The following TMTC1 variants were observed in gnomAD, a reference collection of about 807,000 sequenced individuals.
The protein encoded by TMTC1 is protein O-mannosyl-transferase TMTC1.
TMTC1 carries 73 observed loss-of-function variants against 104.8 expected under a neutral mutation model. The ratio of observed to expected loss-of-function variants is 0.70; its 90% CI spans 0.58 to 0.85. TMTC1 has a LOEUF of 0.85. Ranked by LOEUF, TMTC1 falls within the 40% of genes least tolerant of loss-of-function variation. The pLI, the probability that TMTC1 is intolerant of heterozygous loss-of-function variation, is 0.00. For missense variants in TMTC1, 1,035 were observed against 1,096.1 expected (o/e 0.94, Z 0.79); for synonymous variants, 434 against 428.7 (o/e 1.01, Z -0.15).
intron 6 of TMTC1, among the ~76,000 whole-genome samples, chr12:29,612,597 T>C (rs1429151231): frequency 6.6e-6 from 1 of 152,076 alleles, no homozygotes; most frequent in Non-Finnish European, 1.5e-5. Flanking sequence ...TTTTTTTTAG[T>C]AGAGACAAGT....
At chr12:29,716,634 A>T (rs1942089999) in intron 5 of TMTC1, among the ~76,000 whole-genome samples, 1 of 152,138 alleles carries the variant, frequency 6.6e-6, no homozygotes, top group East Asian at 1.9e-4. Context: ...GACTAATGAA[A>T]ACATAAAATT....
chr12:29,592,116 T>C (rs1382267683), intron 7 of TMTC1, among the ~76,000 whole-genome samples: 1 of 152,232 alleles, frequency 6.6e-6, no homozygotes, highest in South Asian at 2.1e-4. Flanking sequence ...CCACAAGCTG[T>C]AACAGCCCAC....
At chr12:29,605,571 TAAAAAAAAA>T (rs34353381) in intron 6 of TMTC1, among the ~76,000 whole-genome samples, 3 of 101,888 alleles carry the variant, frequency 2.9e-5, no homozygotes, top group African/African-American at 6.9e-5. Context: ...CCAAAAAGGG[TAAAAAAAAA>T]AAAAAAAAAA....
At chr12:29,615,628 A>G (rs116687939) in intron 6 of TMTC1, among the ~76,000 whole-genome samples, 2,927 of 152,230 alleles carry the variant, frequency 0.019, 108 homozygotes, top group African/African-American at 0.067. Flanking sequence ...TCCCTCATCC[A>G]TCAGGACTCC....
intron 5 of TMTC1, among the ~76,000 whole-genome samples, chr12:29,696,739 G>A (rs1428843704): frequency 3.3e-5 from 5 of 152,050 alleles, no homozygotes; most frequent in African/African-American, 1.2e-4. Context: ...TATTGAAGTA[G>A]GGTAGGAAAT....
intron 6 of TMTC1, among the ~76,000 whole-genome samples, chr12:29,612,821 T>TTAC (rs1055894017): frequency 6.6e-6 from 1 of 152,212 alleles, no homozygotes; most frequent in African/African-American, 2.4e-5. Context: ...AGTTACTGAC[T>TTAC]TGTAAGTCGA....
At chr12:29,610,943 G>T (rs1946829135) in intron 6 of TMTC1, among the ~76,000 whole-genome samples, 1 of 152,132 alleles carries the variant, frequency 6.6e-6, no homozygotes, top group Non-Finnish European at 1.5e-5. Flanking sequence ...TGCACAGGGA[G>T]TAAATTTTTA....
chr12:29,599,928 GTGTATATATA>G (rs1409468895), intron 7 of TMTC1, among the ~76,000 whole-genome samples: 1 of 146,114 alleles, frequency 6.8e-6, no homozygotes, highest in African/African-American at 2.6e-5. Flanking sequence ...GTATATATAT[GTGTATATATA>G]TGTGTGTGTA....
At chr12:29,660,978 G>A (rs1236123344) in intron 5 of TMTC1, 3 of 618,834 alleles carry the variant, frequency 4.8e-6, no homozygotes, top group Non-Finnish European at 7.0e-6. Flanking sequence ...TCTGAAGAAG[G>A]CTGCAGAGAA....
At chr12:29,538,575 G>A (rs777684584) in intron 10 of TMTC1, among the ~76,000 whole-genome samples, 9 of 152,012 alleles carry the variant, frequency 5.9e-5, no homozygotes, top group Non-Finnish European at 1.0e-4. Flanking sequence ...TGACTTAATG[G>A]TTTTCTTTTG....
intron 11 of TMTC1, among the ~76,000 whole-genome samples, chr12:29,528,809 T>A (rs1944418319): frequency 6.6e-6 from 1 of 152,138 alleles, no homozygotes; most frequent in African/African-American, 2.4e-5. Flanking sequence ...CAATATTTAC[T>A]ACATTGGAAA....
At chr12:29,659,497 A>G (rs2136636413) in intron 5 of TMTC1, among the ~76,000 whole-genome samples, 1 of 152,270 alleles carries the variant, frequency 6.6e-6, no homozygotes, top group Non-Finnish European at 1.5e-5. Flanking sequence ...GCTCACCATC[A>G]TCTTCGGCCA....
chr12:29,714,398 A>AT (rs1303779590), intron 5 of TMTC1, among the ~76,000 whole-genome samples: 4 of 152,062 alleles, frequency 2.6e-5, no homozygotes, highest in East Asian at 1.9e-4. Context: ...TTCTTTTAAA[A>AT]TTTTTTTTAC....
At chr12:29,640,965 CG>C (rs1190671170) in intron 5 of TMTC1, 3 of 152,228 alleles carry the variant, frequency 2.0e-5, no homozygotes, top group Non-Finnish European at 4.4e-5. Flanking sequence ...CTGTGACTGC[CG>C]GCTTTCCCCG....
intron 6 of TMTC1, among the ~76,000 whole-genome samples, chr12:29,629,824 T>C (rs1214860845): frequency 6.6e-6 from 1 of 152,242 alleles, no homozygotes; most frequent in African/African-American, 2.4e-5. Context: ...GTATGTTATA[T>C]AACTTTCACC....
At chr12:29,596,058 G>A (rs1332704744) in intron 7 of TMTC1, among the ~76,000 whole-genome samples, 2 of 151,888 alleles carry the variant, frequency 1.3e-5, no homozygotes, top group Non-Finnish European at 2.9e-5. Flanking sequence ...CCAGGCTGGA[G>A]TGCAGTGGCA....
chr12:29,520,546 T>A, intron 12 of TMTC1, 72 bp downstream of exon 12: 2 of 1,310,348 alleles, frequency 1.5e-6, no homozygotes, highest in Admixed American at 1.9e-5. Context: ...TGAGGATTAT[T>A]TGCCTTCCAT....
Position 29,605,308 on chromosome 12 carries a change from T to C in TMTC1, c.1129-1009A>G, listed in dbSNP as rs113164128. On this transcript the variant is annotated intron_variant, in intron 6 of 17. Coordinates refer to ENST00000539277, the MANE Select transcript of TMTC1 (RefSeq NM_001193451.2). ...ATAAAAGCTACAAATACTTTAACTATACAAAGTATAACGATTTTAAACATC... is the reference window on the plus strand; with the variant it reads ...ATAAAAGCTACAAATACTTTAACTACACAAAGTATAACGATTTTAAACATC... 4.9e-3 allele frequency among the ~76,000 whole-genome samples: 743 copies of C among 152,206 alleles called. 7 individuals are homozygous for C. Among genetic ancestry groups the C allele is most frequent in the African/African-American group, 0.017 (707 of 41,564 alleles).
At chr12:29,522,772 C>T (rs1444917717) in intron 11 of TMTC1, among the ~76,000 whole-genome samples, 1 of 152,162 alleles carries the variant, frequency 6.6e-6, no homozygotes, top group Non-Finnish European at 1.5e-5. Flanking sequence ...CAAATCCAAG[C>T]CCCACCATCT....
Sources: gnomAD v4.1 joint callset for allele counts (sites outside exome capture counted in the v4.1 genomes callset) on GRCh38, gnomAD v4.1.1 for gene constraint, MANE v1.5 for transcripts, NCBI Gene and HGNC (gene_info 2026-07-23, HGNC 2026-07-21) for gene names.